DCC: variants seen among roughly 807,000 people sequenced by gnomAD.
The protein encoded by DCC is DCC netrin 1 receptor.
DCC carries 58 observed loss-of-function variants against 172.5 expected under a neutral mutation model. The observed-to-expected ratio is 0.34, with a 90% CI of 0.27 to 0.42. DCC has a LOEUF of 0.42. DCC is among the 10% of genes least tolerant of loss of function. The pLI is 1.00. For missense variants in DCC, 1,740 were observed against 1,791.0 expected (o/e 0.97, Z 0.51); for synonymous variants, 709 against 644.5 (o/e 1.10, Z -1.52).
intron 3 of DCC, among the ~76,000 whole-genome samples, chr18:52,920,204 T>TTG (rs1214421253): frequency 1.3e-5 from 2 of 151,988 alleles, no homozygotes; most frequent in African/African-American, 2.4e-5. Flanking sequence ...AAAGGAGAAG[T>TTG]TGATAAGTTG....
intron 12 of DCC, among the ~76,000 whole-genome samples, chr18:53,243,730 A>T (rs781473702): frequency 3.3e-5 from 5 of 152,176 alleles, no homozygotes; most frequent in Non-Finnish European, 7.3e-5. Flanking sequence ...AGTATTAACG[A>T]CATAATGTTT....
At position 53,267,129 on chromosome 18, in the gene DCC, CACACAT is replaced by C. The variant is rs1297295473; in HGVS notation, c.1912-38447_1912-38442del. Among the ~76,000 whole-genome samples the C allele has an allele frequency of 3.4e-5, 5 of 145,046 alleles. No individual in the cohort carries two copies. In the South Asian group the frequency reaches 6.3e-4, roughly 18 times the overall value. On this transcript the variant is annotated intron_variant, in intron 12 of 28. Transcript: ENST00000442544. ...TCTCTCTCACACACACACACACACACACACATATATATATATATATAGAGAGAGAGA... is the reference window on the plus strand; with the variant it reads ...TCTCTCTCACACACACACACACACACATATATATATATATAGAGAGAGAGA...
intron 7 of DCC, among the ~76,000 whole-genome samples, chr18:53,148,035 T>G (rs936111496): frequency 2.0e-5 from 3 of 152,222 alleles, no homozygotes; most frequent in Admixed American, 2.0e-4. Context: ...ACTGGAAACA[T>G]TTAGTTGTTT....
At chr18:52,974,290 G>T (rs2041076613) in intron 5 of DCC, among the ~76,000 whole-genome samples, 1 of 152,110 alleles carries the variant, frequency 6.6e-6, no homozygotes, top group Non-Finnish European at 1.5e-5. Context: ...AAGATGCCTG[G>T]GTCTTTTATC....
intron 12 of DCC, among the ~76,000 whole-genome samples, chr18:53,287,922 T>C (rs1025650504): frequency 9.2e-5 from 14 of 152,142 alleles, no homozygotes; most frequent in Non-Finnish European, 7.4e-5. Flanking sequence ...TATATTGGTA[T>C]AGGATAGAAC....
In DCC at chr18:52,735,427, A is replaced by G. The variant is rs183345108; in HGVS notation, c.92-16627A>G. Among the ~76,000 whole-genome samples, 7 of 152,272 alleles carry G rather than the reference A, an allele frequency of 4.6e-5. No individual in the cohort carries two copies. In the East Asian group the frequency reaches 1.4e-3, roughly 29 times the overall value. On this transcript the variant is annotated intron_variant, in intron 1 of 28. Transcript: ENST00000442544. ...GAGACAGAACTAACGGGATAGATGAATATATGAAGGGGAATTTACAAGGAG... is the reference window on the plus strand; with the variant it reads ...GAGACAGAACTAACGGGATAGATGAGTATATGAAGGGGAATTTACAAGGAG...
chr18:53,047,903 A>ATGTGTGTG (rs35014270), intron 5 of DCC, among the ~76,000 whole-genome samples: 1 of 146,780 alleles, frequency 6.8e-6, no homozygotes, highest in Non-Finnish European at 1.5e-5. Context: ...TTCCTTCGAG[A>ATGTGTGTG]TGTGTGTGTG....
chr18:52,410,169 A>G (rs969806299), intron 1 of DCC, among the ~76,000 whole-genome samples: 4 of 152,164 alleles, frequency 2.6e-5, no homozygotes, highest in African/African-American at 9.6e-5. Context: ...CATGCCTGTC[A>G]TCCCAGCACT....
intron 2 of DCC, among the ~76,000 whole-genome samples, chr18:52,895,184 TG>T (rs1304027885): frequency 1.3e-5 from 2 of 152,270 alleles, no homozygotes; most frequent in African/African-American, 2.4e-5. Context: ...TATCCTGAAT[TG>T]TGCATACTTC....
At chr18:53,090,077 T>C (rs2042980386) in intron 7 of DCC, among the ~76,000 whole-genome samples, 1 of 152,188 alleles carries the variant, frequency 6.6e-6, no homozygotes, top group Non-Finnish European at 1.5e-5. Flanking sequence ...GACACATACA[T>C]GTGTGTCTAC....
At chr18:52,706,870 G>T (rs2036220402) in intron 1 of DCC, among the ~76,000 whole-genome samples, 1 of 152,168 alleles carries the variant, frequency 6.6e-6, no homozygotes, top group South Asian at 2.1e-4. Flanking sequence ...AGCCCAAGGT[G>T]TCTCCTTTCT....
chr18:53,215,091 A>G (rs1161630112), intron 11 of DCC, among the ~76,000 whole-genome samples: 1 of 152,218 alleles, frequency 6.6e-6, no homozygotes, highest in Admixed American at 6.5e-5. Flanking sequence ...GAGCTAATAA[A>G]GTTTGCATTA....
chr18:53,194,903 A>G (rs1200430428), intron 9 of DCC, among the ~76,000 whole-genome samples: 2 of 152,250 alleles, frequency 1.3e-5, no homozygotes, highest in Non-Finnish European at 2.9e-5. Context: ...ACTGACAGTT[A>G]AGAAGATTAA....
chr18:52,788,986 G>A (rs1341417372), intron 2 of DCC, among the ~76,000 whole-genome samples: 1 of 152,084 alleles, frequency 6.6e-6, no homozygotes, highest in Non-Finnish European at 1.5e-5. Context: ...GGGGGAGTGG[G>A]GAAGTTTGTA....
intron 5 of DCC, among the ~76,000 whole-genome samples, chr18:53,001,801 AGT>A (rs2041568356): frequency 6.6e-6 from 1 of 152,040 alleles, no homozygotes; most frequent in South Asian, 2.1e-4. Flanking sequence ...TGGCCATGTG[AGT>A]GTGACCATAT....
At chr18:53,501,238 C>T (rs2046093948) in intron 27 of DCC, among the ~76,000 whole-genome samples, 1 of 152,162 alleles carries the variant, frequency 6.6e-6, no homozygotes, top group South Asian at 2.1e-4. Flanking sequence ...ATTTGATCCT[C>T]TAAACAACTT....
intron 27 of DCC, among the ~76,000 whole-genome samples, chr18:53,518,948 A>T (rs1028307136): frequency 1.3e-5 from 2 of 152,132 alleles, no homozygotes; most frequent in African/African-American, 4.8e-5. Flanking sequence ...TTTCACTAAT[A>T]ATTTTAAGAA....
chr18:52,400,873 C>T (rs530359608), intron 1 of DCC, among the ~76,000 whole-genome samples: 3 of 151,854 alleles, frequency 2.0e-5, no homozygotes, highest in African/African-American at 7.2e-5. Context: ...TGTTCTCACT[C>T]ATAAGTGGGA....
intron 12 of DCC, among the ~76,000 whole-genome samples, chr18:53,242,505 AT>A (rs1193507025): frequency 6.6e-6 from 1 of 152,234 alleles, no homozygotes; most frequent in African/African-American, 2.4e-5. Context: ...GTGACTATAT[AT>A]TAGATACCTA....
Sources: allele counts gnomAD v4.1 joint callset (sites outside exome capture counted in the v4.1 genomes callset), GRCh38; gene constraint gnomAD v4.1.1; transcripts MANE v1.5; gene names NCBI Gene and HGNC (gene_info 2026-07-23, HGNC 2026-07-21).